CBX3: variants seen among roughly 807,000 people sequenced by gnomAD.
CBX3 encodes the protein chromobox 3, also known as chromobox protein homolog 3.
A neutral mutation model predicts 22.6 loss-of-function variants in CBX3; 5 were observed. That is an observed-to-expected ratio of 0.22 (90% CI 0.12 to 0.47). The LOEUF is 0.47. Among genes scored for constraint, CBX3 ranks in the 20% least tolerant of loss-of-function variants. CBX3 has a pLI of 0.99. For missense variants in CBX3, 83 were observed against 208.1 expected (o/e 0.40, Z 3.70); for synonymous variants, 50 against 66.6 (o/e 0.75, Z 1.21).
rs1330786856 is a variant in CBX3, at chr7:26,212,639, TTTTTTG to T, written c.*437_*442del. The T allele has an allele frequency of 2.6e-5, 4 of 152,240 alleles. No individual in the cohort carries two copies. Among genetic ancestry groups the T allele is most frequent in the Non-Finnish European group, 4.4e-5 (3 of 68,058 alleles). 9.4% of individuals were successfully genotyped at this position (152,240 alleles called of 1,614,324 possible). On this transcript the variant is annotated 3_prime_UTR_variant, in exon 6 of 6. Transcript: ENST00000396386. ...ATCCATAAAATGCATATGTAAATTT[TTTTTTG>T]TTTTTAAGCATTCACCCAAACAAAA...
At position 26,208,557 on chromosome 7, in the gene CBX3, T is replaced by C; in HGVS notation, c.330+2T>C. 1 of 1,203,198 alleles carries C rather than the reference T, an allele frequency of 8.3e-7. No individual in the cohort carries two copies. The highest frequency in any genetic ancestry group is 1.1e-6 in the Non-Finnish European group (1 of 884,600). 74.5% of individuals were successfully genotyped at this position (1,203,198 alleles called of 1,614,324 possible). ...AAATCAAAGAAGAAAAGAGATGCTGTAAGTATAAAATATTGCCCACCAGCT... is the reference window on the plus strand; with the variant it reads ...AAATCAAAGAAGAAAAGAGATGCTGCAAGTATAAAATATTGCCCACCAGCT... On this transcript the variant is annotated splice_donor_variant, in intron 4 of 5. Transcript: ENST00000396386. LOFTEE classifies it high-confidence loss of function.
At chr7:26,202,783 C>T (rs1015752619) in intron 1 of CBX3, 188 bp from the exon 2 acceptor site, 2 of 565,912 alleles carry the variant, frequency 3.5e-6, no homozygotes, top group East Asian at 3.1e-5. Context: ...TTTCTAGACT[C>T]ACATGGTTAG....
intron 3 of CBX3, among the ~76,000 whole-genome samples, 168 bp downstream of exon 3, chr7:26,206,678 C>CTTTA (rs1185997994): frequency 6.6e-6 from 1 of 152,146 alleles, no homozygotes; most frequent in East Asian, 1.9e-4. Context: ...AGAACCAAGA[C>CTTTA]TTTATTGTAC....
In CBX3 at chr7:26,212,228, A is replaced by ATATATATT. The variant is rs1463948520; in HGVS notation, c.*28_*35dup. ...CAATAATTGTTCACATTGTTCTTTT[A>ATATATATT]TATATATTTATATATATATATAAAA... On this transcript the variant is annotated 3_prime_UTR_variant, in exon 6 of 6. Transcript: ENST00000396386. The ATATATATT allele has an allele frequency of 8.7e-7, 1 of 1,154,110 alleles. No homozygotes were observed. Among genetic ancestry groups the ATATATATT allele is most frequent in the Non-Finnish European group, 1.1e-6 (1 of 910,004 alleles). The allele number at this position is 1,154,110 out of a possible 1,614,324, so 71.5% of individuals were successfully genotyped here.
chr7:26,207,494 C>A (rs78244699), intron 3 of CBX3, among the ~76,000 whole-genome samples: 4,314 of 152,244 alleles, frequency 0.028, 77 homozygotes, highest in Middle Eastern at 0.048. Context: ...TTCCCATGTG[C>A]AGTGTAACAG....
chr7:26,206,596 G>A, intron 3 of CBX3, 86 bp downstream of exon 3: 2 of 1,217,362 alleles, frequency 1.6e-6, no homozygotes, highest in East Asian at 4.7e-5. Context: ...TCTTTTACCT[G>A]CTTTCCTGTA....
chr7:26,207,480 G>A (rs188757407), intron 3 of CBX3, among the ~76,000 whole-genome samples: 136 of 152,162 alleles, frequency 8.9e-4, no homozygotes, highest in Middle Eastern at 6.8e-3. Context: ...TGATTATAGC[G>A]TACTTCCCAT....
At chr7:26,209,966 T>C (rs917271226) in intron 4 of CBX3, 1 of 152,114 alleles carries the variant, frequency 6.6e-6, no homozygotes. Context: ...GACTACAAAT[T>C]TGGTTTTGAA....
intron 4 of CBX3, among the ~76,000 whole-genome samples, chr7:26,209,530 A>G (rs1022364573): frequency 6.6e-6 from 1 of 152,190 alleles, no homozygotes; most frequent in African/African-American, 2.4e-5. Flanking sequence ...TAGTCCATCA[A>G]TGGCATTGAC....
chr7:26,201,559 A>T (rs1784436612), upstream of CBX3: 2 of 150,788 alleles, frequency 1.3e-5, no homozygotes, highest in Admixed American at 1.3e-4. Flanking sequence ...CACGCCGCGA[A>T]CGGTAAGTGC....
At chr7:26,211,420 G>A (rs1175448885) in intron 4 of CBX3, among the ~76,000 whole-genome samples, 1 of 151,978 alleles carries the variant, frequency 6.6e-6, no homozygotes, top group Non-Finnish European at 1.5e-5. Context: ...GTCATTGAAC[G>A]CAGTAATTTT....
intron 4 of CBX3, 57 bp from the exon 5 acceptor site, chr7:26,211,605 C>A: frequency 9.5e-7 from 1 of 1,056,000 alleles, no homozygotes; most frequent in Non-Finnish European, 1.4e-6. Context: ...TTAAAATACG[C>A]CATGAAAACA....
At position 26,202,968 on chromosome 7, in the gene CBX3, T is replaced by G. The variant is rs1191736034; in HGVS notation, c.-28-3T>G. 1 of 1,573,936 alleles carries G rather than the reference T, an allele frequency of 6.4e-7. No homozygotes were observed. Among genetic ancestry groups the G allele is most frequent in the Non-Finnish European group, 8.7e-7 (1 of 1,151,278 alleles). The stretch of plus-strand genomic sequence containing the variant: ...TTACCTTAACTGTCATGCATTTTTC[T>G]AGTAATAGCTCTTCAAGTCTGCAAT... On this transcript the variant is annotated splice_region_variant and splice_polypyrimidine_tract_variant and intron_variant, in intron 1 of 5. Coordinates refer to ENST00000396386, the MANE Select transcript of CBX3 (RefSeq NM_016587.4).
chr7:26,204,372 T>A (rs893899112), intron 2 of CBX3, among the ~76,000 whole-genome samples: 2 of 152,206 alleles, frequency 1.3e-5, no homozygotes, highest in African/African-American at 4.8e-5. Context: ...CTTCTGTCTA[T>A]TACAGTTTGT....
intron 4 of CBX3, chr7:26,209,878 A>C (rs1784765952): frequency 6.6e-6 from 1 of 152,220 alleles, no homozygotes; most frequent in Non-Finnish European, 1.5e-5. Context: ...TTGAACTAGA[A>C]GCCAAGTACA....
intron 4 of CBX3, among the ~76,000 whole-genome samples, chr7:26,209,423 C>A (rs906001580): frequency 6.6e-6 from 1 of 152,072 alleles, no homozygotes; most frequent in Non-Finnish European, 1.5e-5. Context: ...TACCTGTGAT[C>A]CAAGGCTAGC....
intron 1 of CBX3, chr7:26,202,731 C>G: frequency 6.3e-6 from 3 of 479,168 alleles, no homozygotes; most frequent in Non-Finnish European, 1.1e-5. Context: ...CTATTTTAAG[C>G]CATGTGAAGC....
intron 2 of CBX3, among the ~76,000 whole-genome samples, chr7:26,205,419 A>G (rs749470725): frequency 8.5e-5 from 13 of 152,182 alleles, no homozygotes; most frequent in Non-Finnish European, 1.8e-4. Flanking sequence ...GGTCTCTTGA[A>G]GTGATAGCTT....
At chr7:26,202,930 G>A (rs1399113794) in intron 1 of CBX3, 41 bp from the exon 2 acceptor site, 2 of 1,239,178 alleles carry the variant, frequency 1.6e-6, no homozygotes, top group Non-Finnish European at 2.4e-6. Flanking sequence ...TACCTTTTTT[G>A]TGTCATGCAA....
Sources: allele counts gnomAD v4.1 joint callset (sites outside exome capture counted in the v4.1 genomes callset), GRCh38; gene constraint gnomAD v4.1.1; transcripts MANE v1.5; gene names NCBI Gene and HGNC (gene_info 2026-07-23, HGNC 2026-07-21).